LINGO2: variants seen among roughly 807,000 people sequenced by gnomAD.
LINGO2 encodes leucine-rich repeat and immunoglobulin-like domain-containing nogo receptor-interacting protein 2.
In LINGO2, 14 loss-of-function variants were observed where a neutral mutation model predicts 30.6. That is an observed-to-expected ratio of 0.46 (90% CI 0.30 to 0.72). The LOEUF (loss-of-function observed/expected upper bound fraction) is 0.72, where lower values mean the gene tolerates loss of function less well. Ranked by LOEUF, LINGO2 falls within the 30% of genes least tolerant of loss-of-function variation. The pLI is 0.07. For synonymous variants in LINGO2, 317 were observed against 288.5 expected, an observed-to-expected ratio of 1.10 and a Z score of -1.00; for missense variants, 729 against 751.7, an observed-to-expected ratio of 0.97 and a Z score of 0.35.
chr9:28,183,880 T>C (rs1819446772), intron 4 of LINGO2, among the ~76,000 whole-genome samples: 1 of 152,160 alleles, frequency 6.6e-6, no homozygotes, highest in Non-Finnish European at 1.5e-5. Flanking sequence ...AGGAATAGGT[T>C]TGGAATAAGA....
the LINGO2 span, among the ~76,000 whole-genome samples, chr9:29,158,058 C>T: frequency 6.6e-6 from 1 of 151,936 alleles, no homozygotes; most frequent in Non-Finnish European, 1.5e-5. Flanking sequence ...TTAAGAGATT[C>T]TAGGCTGGGC....
At chr9:28,908,172 C>CAT in the LINGO2 span, among the ~76,000 whole-genome samples, 3 of 139,716 alleles carry the variant, frequency 2.1e-5, no homozygotes, top group Non-Finnish European at 4.8e-5. Context: ...CACACACACA[C>CAT]ATACAAAACT....
chr9:27,958,787 A>G (rs951322972), intron 5 of LINGO2, among the ~76,000 whole-genome samples: 2 of 152,148 alleles, frequency 1.3e-5, no homozygotes, highest in Admixed American at 1.3e-4. Flanking sequence ...CTACTGCAAT[A>G]CAGTTCTCAC....
intron 4 of LINGO2, among the ~76,000 whole-genome samples, chr9:28,207,138 CA>C (rs2133843008): frequency 6.6e-6 from 1 of 152,212 alleles, no homozygotes; most frequent in East Asian, 1.9e-4. Context: ...AATAGCACTA[CA>C]ATGATAATTT....
chr9:28,656,083 T>G (rs532674821), intron 1 of LINGO2, among the ~76,000 whole-genome samples: 1 of 152,220 alleles, frequency 6.6e-6, no homozygotes, highest in East Asian at 1.9e-4. Context: ...CAACACTGCA[T>G]TGGTTTCTAA....
intron 1 of LINGO2, among the ~76,000 whole-genome samples, chr9:28,551,573 G>A (rs1822284695): frequency 6.6e-6 from 1 of 151,868 alleles, no homozygotes; most frequent in Admixed American, 6.6e-5. Context: ...ATAATTCAGT[G>A]GTTGTACACA....
intron 3 of LINGO2, among the ~76,000 whole-genome samples, chr9:28,316,113 T>C (rs908821937): frequency 2.6e-5 from 4 of 151,998 alleles, no homozygotes; most frequent in African/African-American, 4.8e-5. Context: ...CAAATACATA[T>C]GAAGCATTTA....
intron 4 of LINGO2, among the ~76,000 whole-genome samples, chr9:28,187,833 T>C (rs1033728949): frequency 6.6e-6 from 1 of 152,200 alleles, no homozygotes; most frequent in African/African-American, 2.4e-5. Flanking sequence ...GGCTTTTCCA[T>C]AGTCTAAACT....
chr9:28,740,905 T>G, the LINGO2 span, among the ~76,000 whole-genome samples: 1 of 151,988 alleles, frequency 6.6e-6, no homozygotes, highest in Non-Finnish European at 1.5e-5. Context: ...CTAACTGAAT[T>G]GTATCTAGCC....
At position 28,571,377 on chromosome 9, in the gene LINGO2, G is replaced by T. The variant is rs149504802; in HGVS notation, c.-364-95352C>A. The stretch of plus-strand genomic sequence containing the variant: ...TTAATTACTGGTATTCCATATGCAG[G>T]GTTGGCTGCTATTACTAAAACACTC... On this transcript the variant is annotated intron_variant, in intron 1 of 5. Transcript: ENST00000379992. Among the ~76,000 whole-genome samples, 400 of 152,046 alleles carry T rather than the reference G, an allele frequency of 2.6e-3. 2 individuals carry two copies. The highest frequency in any genetic ancestry group is 9.1e-3 in the African/African-American group (378 of 41,500).
chr9:28,383,278 G>GTA (rs1821432868), intron 2 of LINGO2, among the ~76,000 whole-genome samples: 2 of 151,862 alleles, frequency 1.3e-5, no homozygotes, highest in African/African-American at 4.8e-5. Context: ...GTGTGTGTGT[G>GTA]TGTGTGTGTG....
chr9:28,364,712 T>C (rs1820590417), intron 3 of LINGO2, among the ~76,000 whole-genome samples: 1 of 152,240 alleles, frequency 6.6e-6, no homozygotes, highest in African/African-American at 2.4e-5. Flanking sequence ...AAAATTCCTT[T>C]ATAATTCAAC....
chr9:28,560,534 A>T (rs981197923), intron 1 of LINGO2, among the ~76,000 whole-genome samples: 1 of 152,070 alleles, frequency 6.6e-6, no homozygotes, highest in Non-Finnish European at 1.5e-5. Flanking sequence ...ACGTATACAC[A>T]TCCTATTGAT....
chr9:28,712,882 T>C, the LINGO2 span, among the ~76,000 whole-genome samples: 16 of 152,276 alleles, frequency 1.1e-4, no homozygotes, highest in Admixed American at 7.9e-4. Flanking sequence ...TTCATTTATT[T>C]TTTTATGAAG....
chr9:28,048,528 G>T lies in LINGO2; in HGVS notation c.-86-36123C>A, dbSNP rs1016203168. 1.9e-4 allele frequency among the ~76,000 whole-genome samples: 29 copies of T among 150,548 alleles called. 1 individual carries two copies. Among genetic ancestry groups the T allele is most frequent in the African/African-American group, 6.6e-4 (27 of 40,688 alleles). ...TTGTATTCATTGCCAGTGAAAGTAA[G>T]GAATCCATTTATTTATTTATAGTGA... is the stretch of plus-strand genomic sequence containing the variant. On this transcript the variant is annotated intron_variant, in intron 4 of 5. Coordinates refer to ENST00000379992, the Ensembl canonical transcript of LINGO2.
At chr9:28,151,036 G>T (rs1046118745) in intron 4 of LINGO2, among the ~76,000 whole-genome samples, 1 of 152,164 alleles carries the variant, frequency 6.6e-6, no homozygotes, top group Admixed American at 6.5e-5. Flanking sequence ...GACAATTCCT[G>T]ATTATTTTGA....
intron 4 of LINGO2, among the ~76,000 whole-genome samples, chr9:28,072,123 A>G (rs1274908591): frequency 6.6e-6 from 1 of 150,488 alleles, no homozygotes; most frequent in Middle Eastern, 3.4e-3. Context: ...GATGAATAAT[A>G]AAGAATACTG....
chr9:28,594,663 G>C (rs1299199763), intron 1 of LINGO2, among the ~76,000 whole-genome samples: 2 of 152,054 alleles, frequency 1.3e-5, no homozygotes, highest in Non-Finnish European at 2.9e-5. Flanking sequence ...AGCAGCCAAG[G>C]CTTAAGTTAA....
At chr9:28,925,018 C>T in the LINGO2 span, among the ~76,000 whole-genome samples, 1 of 152,080 alleles carries the variant, frequency 6.6e-6, no homozygotes, top group African/African-American at 2.4e-5. Flanking sequence ...TAAGAGTAGA[C>T]TTTAAATATT....
Sources: gnomAD v4.1 joint callset for allele counts (sites outside exome capture counted in the v4.1 genomes callset) on GRCh38, gnomAD v4.1.1 for gene constraint, MANE v1.5 for transcripts, NCBI Gene and HGNC (gene_info 2026-07-23, HGNC 2026-07-21) for gene names.